SNTG2: variants seen among roughly 807,000 people sequenced by gnomAD.
SNTG2 encodes syntrophin gamma 2.
In SNTG2, 74 loss-of-function variants were observed where a neutral mutation model predicts 70.9. The ratio of observed to expected loss-of-function variants is 1.04; its 90% CI spans 0.86 to 1.27. The LOEUF is 1.27. Among genes scored for constraint, SNTG2 ranks in the 50% most tolerant of loss-of-function variants. The pLI, the probability that SNTG2 is intolerant of heterozygous loss-of-function variation, is 0.00. For synonymous variants in SNTG2, 278 were observed against 273.8 expected (o/e 1.02, Z -0.15); for missense variants, 717 against 690.7 (o/e 1.04, Z -0.43).
intron 12 of SNTG2, 147 bp from the exon 13 acceptor site, chr2:1,259,223 G>C: frequency 3.0e-6 from 2 of 658,310 alleles, no homozygotes; most frequent in Non-Finnish European, 5.3e-6. Context: ...ACAGCAGTAC[G>C]TAAAGTTTAA....
At chr2:1,306,660 T>C (rs1297917360) in intron 14 of SNTG2, among the ~76,000 whole-genome samples, 2 of 149,974 alleles carry the variant, frequency 1.3e-5, no homozygotes, top group Non-Finnish European at 3.0e-5. Context: ...CCTGACTGGC[T>C]CCAGCCTCCC....
chr2:1,224,353 T>C (rs1228347837), intron 9 of SNTG2, among the ~76,000 whole-genome samples: 1 of 152,206 alleles, frequency 6.6e-6, no homozygotes, highest in Admixed American at 6.5e-5. Context: ...CTGGATTTAA[T>C]TTCATTTTTT....
chr2:1,251,387 T>C (rs1018127407), intron 12 of SNTG2, among the ~76,000 whole-genome samples: 1 of 151,916 alleles, frequency 6.6e-6, no homozygotes, highest in African/African-American at 2.4e-5. Context: ...TTGAGTCTAG[T>C]AGTGCTTAGG....
At position 1,357,633 on chromosome 2, in the gene SNTG2, G is replaced by C. The variant is rs574791847; in HGVS notation, c.1489-9710G>C. ...ATGTTTGGTAGAATTCCCCAGTGGA[G>C]CCATCTCTTCCTCATTTTTCTTTTG... On this transcript the variant is annotated intron_variant, in intron 16 of 16. Coordinates refer to ENST00000308624, the MANE Select transcript of SNTG2 (RefSeq NM_018968.4). Among the ~76,000 whole-genome samples the C allele has an allele frequency of 2.6e-4, 39 of 152,220 alleles. 1 individual carries two copies. The highest frequency in any genetic ancestry group is 9.1e-4 in the African/African-American group (38 of 41,578).
At chr2:1,076,635 C>T (rs1373343334) in intron 1 of SNTG2, among the ~76,000 whole-genome samples, 2 of 152,166 alleles carry the variant, frequency 1.3e-5, no homozygotes, top group Non-Finnish European at 2.9e-5. Context: ...CCAACAAAGA[C>T]ATACGAGAAT....
intron 16 of SNTG2, among the ~76,000 whole-genome samples, chr2:1,334,249 A>G (rs1659682790): frequency 1.3e-5 from 2 of 152,140 alleles, no homozygotes; most frequent in African/African-American, 4.8e-5. Flanking sequence ...CATATAAGCT[A>G]CCTTACTCCT....
At chr2:1,280,061 AAATT>A (rs754677089) in intron 14 of SNTG2, among the ~76,000 whole-genome samples, 6 of 152,218 alleles carry the variant, frequency 3.9e-5, no homozygotes, top group Non-Finnish European at 7.3e-5. Flanking sequence ...TTACAAGCTT[AAATT>A]AATTTTCTAG....
chr2:1,299,809 C>T (rs1680371003), intron 14 of SNTG2, among the ~76,000 whole-genome samples: 1 of 152,218 alleles, frequency 6.6e-6, no homozygotes. Context: ...GCCCAAACCC[C>T]ACCTGTCATC....
intron 8 of SNTG2, among the ~76,000 whole-genome samples, chr2:1,189,514 C>T (rs1322904941): frequency 6.6e-6 from 1 of 151,622 alleles, no homozygotes; most frequent in East Asian, 1.9e-4. Flanking sequence ...TTCAGGATCA[C>T]GTGAAATGAC....
chr2:1,009,876 C>T (rs1261228508), intron 1 of SNTG2, among the ~76,000 whole-genome samples: 1 of 152,172 alleles, frequency 6.6e-6, no homozygotes, highest in African/African-American at 2.4e-5. Flanking sequence ...CATCTCTCTT[C>T]TCATCCTTTC....
At chr2:1,262,801 C>T (rs1010183188) in intron 13 of SNTG2, 2 of 150,832 alleles carry the variant, frequency 1.3e-5, no homozygotes, top group Admixed American at 6.6e-5. Context: ...CCGGAAGGCT[C>T]GGTCCAGACG....
At chr2:1,096,430 G>A (rs1029952008) in intron 2 of SNTG2, among the ~76,000 whole-genome samples, 4 of 152,114 alleles carry the variant, frequency 2.6e-5, no homozygotes, top group African/African-American at 7.2e-5. Context: ...TAGAGCCACA[G>A]AACTTGTTTA....
chr2:1,021,305 G>T (rs940749007), intron 1 of SNTG2, among the ~76,000 whole-genome samples: 9 of 152,120 alleles, frequency 5.9e-5, no homozygotes, highest in Non-Finnish European at 1.3e-4. Context: ...TTGTTGACCT[G>T]CACCCATAAA....
chr2:1,260,983 C>T (rs1489365706), intron 13 of SNTG2, among the ~76,000 whole-genome samples: 1 of 151,862 alleles, frequency 6.6e-6, no homozygotes, highest in East Asian at 1.9e-4. Flanking sequence ...ATCTCATTTT[C>T]CCAGGAAGAT....
chr2:994,106 G>A (rs574099961), intron 1 of SNTG2, among the ~76,000 whole-genome samples: 1 of 151,784 alleles, frequency 6.6e-6, no homozygotes, highest in African/African-American at 2.4e-5. Context: ...GTTTTCCTTT[G>A]GACTTTTATA....
chr2:1,154,191 G>T (rs868415320), intron 6 of SNTG2, among the ~76,000 whole-genome samples: 2 of 152,020 alleles, frequency 1.3e-5, no homozygotes, highest in Admixed American at 6.5e-5. Context: ...AGCATGGTTG[G>T]GGGGAGAAGG....
intron 4 of SNTG2, among the ~76,000 whole-genome samples, chr2:1,112,300 G>C (rs1337338558): frequency 6.6e-6 from 1 of 151,658 alleles, no homozygotes; most frequent in Non-Finnish European, 1.5e-5. Flanking sequence ...ACAGTCCTTT[G>C]AGGAGGATCC....
At chr2:1,157,155 C>T (rs1669952907) in intron 6 of SNTG2, among the ~76,000 whole-genome samples, 1 of 152,320 alleles carries the variant, frequency 6.6e-6, no homozygotes, top group Admixed American at 6.5e-5. Context: ...TTCCTCACCT[C>T]ACCTTCCTTT....
chr2:1,134,396 G>A (rs1370180521), intron 4 of SNTG2, among the ~76,000 whole-genome samples: 1 of 151,796 alleles, frequency 6.6e-6, no homozygotes, highest in African/African-American at 2.4e-5. Flanking sequence ...TACAATCCCT[G>A]AGCTAGACAC....
Sources: gnomAD v4.1 joint callset for allele counts (sites outside exome capture counted in the v4.1 genomes callset) on GRCh38, gnomAD v4.1.1 for gene constraint, MANE v1.5 for transcripts, NCBI Gene and HGNC (gene_info 2026-07-23, HGNC 2026-07-21) for gene names.